NTRK1: variants seen among roughly 807,000 people sequenced by gnomAD.
The protein encoded by NTRK1 is high affinity nerve growth factor receptor.
In NTRK1, 62 loss-of-function variants were observed where a neutral mutation model predicts 86.8. The observed-to-expected ratio is 0.71, with a 90% CI of 0.58 to 0.88. The LOEUF (loss-of-function observed/expected upper bound fraction) is 0.88, where lower values mean the gene tolerates loss of function less well. Among genes scored for constraint, NTRK1 ranks in the 40% least tolerant of loss-of-function variants. NTRK1 has a pLI of 0.00. For missense variants in NTRK1, 967 were observed against 1,078.4 expected (o/e 0.90, Z 1.45); for synonymous variants, 469 against 456.6 (o/e 1.03, Z -0.35).
Position 156,843,367 on chromosome 1 carries a change from T to A in NTRK1, c.50+1174T>A, listed in dbSNP as rs886871195. ...TGCAAGAAGGTCTTCTGGAAGTCTG[T>A]CTCTGCTCCTCTCCTGTCTCCCTTT... is the stretch of plus-strand genomic sequence containing the variant. On this transcript the variant is annotated intron_variant, in intron 2 of 16. Coordinates refer to the NTRK1 transcript ENST00000392302. 1.7e-5 allele frequency: 27 copies of A among 1,588,872 alleles called. No individual in the cohort carries two copies. In the Middle Eastern group the frequency reaches 8.3e-4, roughly 49 times the overall value.
chr1:156,851,654 C>A, intron 2 of NTRK1: 1 of 1,614,118 alleles, frequency 6.2e-7, no homozygotes, highest in Non-Finnish European at 8.5e-7. Flanking sequence ...ACAGCCCTGG[C>A]GAAGGTTGAG....
At chr1:156,868,685 G>A in intron 6 of NTRK1, 38 bp downstream of exon 6, 1 of 1,548,414 alleles carries the variant, frequency 6.5e-7, no homozygotes. Flanking sequence ...AAGAGGTCCA[G>A]GCAGAGCACA....
chr1:156,852,099 G>A (rs752256376), intron 2 of NTRK1: 5 of 1,613,734 alleles, frequency 3.1e-6, no homozygotes, highest in South Asian at 1.1e-5. Context: ...ACACAGGCAC[G>A]AGGGTCTTCT....
In NTRK1 at chr1:156,846,129, C is replaced by G. The variant is rs12064115; in HGVS notation, c.50+3936C>G. 4 of 1,576,604 alleles carry G rather than the reference C, an allele frequency of 2.5e-6. No homozygotes were observed. The East Asian group carries it at 9.0e-5, about 35-fold the overall frequency. On this transcript the variant is annotated intron_variant, in intron 2 of 16. Transcript: ENST00000392302. ...TGGGGCACCGTGGGAGCTAGGAGTG[C>G]GAGAAGGATGCAACTCAGGGGTGTG... is the stretch of plus-strand genomic sequence containing the variant.
chr1:156,845,887 C>T (rs1010722519), intron 2 of NTRK1: 34 of 1,597,296 alleles, frequency 2.1e-5, no homozygotes, highest in Admixed American at 5.2e-5. Context: ...CCTGCCGGGG[C>T]CCTGCGCCTC....
rs1350017052 is a variant in NTRK1 at position 156,854,233 on chromosome 1, C to T, written c.51-10121C>T. On this transcript the variant is annotated intron_variant, in intron 2 of 16. Coordinates refer to the NTRK1 transcript ENST00000392302. This position sits in a 1 kb window ranked among gnomAD's most constrained non-coding sequence, Gnocchi z 4.2. Reference sequence around the variant, plus strand: ...ACATGAGCAGGATCTGCAGGTGGCCCTCCACCACGCTGCAGTTCTCCAGCT... The same window carrying T: ...ACATGAGCAGGATCTGCAGGTGGCCTTCCACCACGCTGCAGTTCTCCAGCT... The T allele has an allele frequency of 1.9e-6, 3 of 1,613,910 alleles. No homozygotes were observed. Among genetic ancestry groups the T allele is most frequent in the Non-Finnish European group, 2.5e-6 (3 of 1,180,016 alleles).
chr1:156,817,823 A>T (rs1184568140), intron 1 of NTRK1, among the ~76,000 whole-genome samples: 2 of 151,918 alleles, frequency 1.3e-5, no homozygotes, highest in African/African-American at 2.4e-5. Context: ...TTGTATTTTT[A>T]GTAGAGACAG....
chr1:156,858,864 A>C, upstream of NTRK1: 1 of 556,718 alleles, frequency 1.8e-6, no homozygotes, highest in South Asian at 2.1e-5. Context: ...AGATTGAGAG[A>C]TGGGGACAGA....
At chr1:156,880,185 G>A (rs1648176560) in intron 16 of NTRK1, 28 bp downstream of exon 16, 1 of 1,610,826 alleles carries the variant, frequency 6.2e-7, no homozygotes, top group East Asian at 2.2e-5. Context: ...GTCACCCCTT[G>A]CTGGCCTCCC....
intron 1 of NTRK1, among the ~76,000 whole-genome samples, chr1:156,835,243 A>G (rs923422378): frequency 6.6e-6 from 1 of 152,156 alleles, no homozygotes; most frequent in Non-Finnish European, 1.5e-5. Flanking sequence ...GGCTACAAAA[A>G]CATGCTGCCA....
At chr1:156,852,279 G>A (rs1420895941) in intron 2 of NTRK1, 1 of 1,321,638 alleles carries the variant, frequency 7.6e-7, no homozygotes, top group Admixed American at 2.3e-5. Context: ...GTTTCTCTTG[G>A]GATGACACTC....
intron 6 of NTRK1, among the ~76,000 whole-genome samples, chr1:156,870,159 G>C (rs182876679): frequency 9.3e-4 from 141 of 152,356 alleles, no homozygotes; most frequent in Admixed American, 2.5e-3. Context: ...AGAGACCTTA[G>C]ATCAACTCTG....
chr1:156,860,842 C>T, upstream of NTRK1: 1 of 1,361,368 alleles, frequency 7.3e-7, no homozygotes, highest in Non-Finnish European at 9.4e-7. Flanking sequence ...GGGTCTTTAA[C>T]ACCGCCCAGC....
chr1:156,863,660 T>TTG (rs35148211), intron 1 of NTRK1, among the ~76,000 whole-genome samples: 6,551 of 149,434 alleles, frequency 0.044, 191 homozygotes, highest in African/African-American at 0.066. Flanking sequence ...GCAGAGATGT[T>TTG]TGTGTGTGTG....
rs1369938311 is a variant in NTRK1, at chr1:156,881,712, C to A, written c.*70C>A. 1 of 1,430,892 alleles carries A rather than the reference C, an allele frequency of 7.0e-7. No homozygotes were observed. Among genetic ancestry groups the A allele is most frequent in the Non-Finnish European group, 9.4e-7 (1 of 1,061,802 alleles). 88.6% of individuals were successfully genotyped at this position (1,430,892 alleles called of 1,614,324 possible). On this transcript the variant is annotated 3_prime_UTR_variant, in exon 17 of 17. Transcript: ENST00000524377. ...CCTGCCCTCAGCATCCCCCATAGCTCCCAGCAGCCCCAGGGTGATCTCAAA... is the reference window on the plus strand; with the variant it reads ...CCTGCCCTCAGCATCCCCCATAGCTACCAGCAGCCCCAGGGTGATCTCAAA...
chr1:156,868,544 T>C lies in NTRK1; in HGVS notation c.614T>C (p.Val205Ala). 6.4e-7 allele frequency: 1 copy of C among 1,558,234 alleles called. No individual in the cohort carries two copies. The highest frequency in any genetic ancestry group is 8.7e-7 in the Non-Finnish European group (1 of 1,150,752). Residue 205 changes from valine (V) to alanine (A), a missense_variant, in exon 6 of 17, where the codon GTG (valine) becomes GCG (alanine). Val to Ala is a moderately conservative substitution (Grantham distance 64, BLOSUM62 0). This residue lies in a region of NTRK1 where 330 missense variants were observed against 302.0 expected (regional missense o/e 1.09). Transcript: ENST00000524377. ...TLKVQVPNAS[V>A]DVGDDVLLRC... Reference sequence around the variant, plus strand: ...AAGGTCCAGGTGCCCAATGCCTCGGTGGATGTGGGGGACGACGTGCTGCTG... The same window carrying C: ...AAGGTCCAGGTGCCCAATGCCTCGGCGGATGTGGGGGACGACGTGCTGCTG...
chr1:156,839,886 C>T (rs1654711402), intron 1 of NTRK1, among the ~76,000 whole-genome samples: 2 of 152,148 alleles, frequency 1.3e-5, no homozygotes, highest in Admixed American at 1.3e-4. Flanking sequence ...TCCTGCCTCA[C>T]TGCCATGGCA....
intron 2 of NTRK1, chr1:156,843,537 A>G: frequency 3.9e-6 from 6 of 1,524,736 alleles, no homozygotes; most frequent in Admixed American, 1.7e-5. Context: ...AATGAGCAAC[A>G]TCAGAAGAAG....
chr1:156,843,004 C>T (rs1654856044), intron 2 of NTRK1: 1 of 1,610,586 alleles, frequency 6.2e-7, no homozygotes, highest in East Asian at 2.2e-5. Context: ...TCTCCCTTAC[C>T]ACATGGTGAC....
Sources: gnomAD v4.1 joint callset for allele counts (sites outside exome capture counted in the v4.1 genomes callset) on GRCh38, gnomAD v4.1.1 for gene constraint, gnomAD v4.1.1 regional missense constraint, Gnocchi (gnomAD v3.1) non-coding constraint, MANE v1.5 for transcripts, NCBI Gene and HGNC (gene_info 2026-07-23, HGNC 2026-07-21) for gene names.